The following ARHGEF12 variants were observed in gnomAD, a reference collection of about 807,000 sequenced individuals.
The protein encoded by ARHGEF12 is KMT2A/ARHGEF12 fusion protein.
In ARHGEF12, 66 loss-of-function variants were observed where a neutral mutation model predicts 211.2. That is an observed-to-expected ratio of 0.31 (90% CI 0.26 to 0.38). The LOEUF (loss-of-function observed/expected upper bound fraction) is 0.38. Ranked by LOEUF, ARHGEF12 falls within the 10% of genes least tolerant of loss-of-function variation. The pLI is 1.00. For synonymous variants in ARHGEF12, 592 were observed against 638.4 expected (o/e 0.93, Z 1.09); for missense variants, 1,429 against 1,869.5 (o/e 0.76, Z 4.34).
chr11:120,448,099 C>T (rs1230278541), intron 19 of ARHGEF12, 135 bp from the exon 20 acceptor site: 1 of 757,858 alleles, frequency 1.3e-6, no homozygotes, highest in East Asian at 2.7e-5. Context: ...TGTGCAATGA[C>T]TAGTTAGTTC....
rs773624142 is a variant in ARHGEF12 at position 120,428,132 on chromosome 11, C to T, written c.470C>T (p.Ala157Val). The change falls in exon 8 of 41, where the codon GCC (alanine) becomes GTC (valine). Residue 157 changes from alanine to valine, a missense_variant. Coordinates refer to ENST00000397843, the MANE Select transcript of ARHGEF12 (RefSeq NM_015313.3). ...CCTGGGTCGCCCCAGATTCCACTTG[C>T]CGACTCTGAAGTAGAGCCGTCAGTC... ...RPPGSPQIPL[A>V]DSEVEPSVIG... 2.1e-5 allele frequency: 34 copies of T among 1,609,120 alleles called. No individual in the cohort carries two copies. The South Asian group carries it at 3.8e-4, about 18-fold the overall frequency.
intron 30 of ARHGEF12, among the ~76,000 whole-genome samples, 154 bp from the exon 31 acceptor site, chr11:120,472,896 C>A (rs1946911661): frequency 1.3e-5 from 2 of 151,928 alleles, no homozygotes; most frequent in Non-Finnish European, 2.9e-5. Flanking sequence ...ACCTCGTGAT[C>A]CACCTGCCTC....
In ARHGEF12 at chr11:120,336,876, C is replaced by G; in HGVS notation, c.-368C>G. The G allele has an allele frequency of 2.6e-6, 1 of 391,180 alleles. No homozygotes were observed. Among genetic ancestry groups the G allele is most frequent in the Non-Finnish European group, 4.5e-6 (1 of 221,622 alleles). 24.2% of individuals were successfully genotyped at this position (391,180 alleles called of 1,614,324 possible). A position where few individuals can be genotyped will look rare whatever the true frequency, so the allele number is the denominator to read the frequency against. ...GAGACTCCGGAGGAGGAGCCGACACCCGTCCGTGAGCTGATCCCGCCCCAG... is the reference window on the plus strand; with the variant it reads ...GAGACTCCGGAGGAGGAGCCGACACGCGTCCGTGAGCTGATCCCGCCCCAG... On this transcript the variant is annotated 5_prime_UTR_variant, in exon 1 of 41. Coordinates refer to ENST00000397843, the MANE Select transcript of ARHGEF12 (RefSeq NM_015313.3).
In ARHGEF12 at chr11:120,486,347, C is replaced by G. The variant is rs901924390; in HGVS notation, c.*1270C>G. On this transcript the variant is annotated 3_prime_UTR_variant, in exon 41 of 41. Coordinates refer to ENST00000397843, the MANE Select transcript of ARHGEF12 (RefSeq NM_015313.3). The stretch of plus-strand genomic sequence containing the variant: ...TCCAGAAGCACGTCCTCTGACTTCA[C>G]TGCCGCAGCTCTTTCCACACGGGGC... 1 of 233,020 alleles carries G rather than the reference C, an allele frequency of 4.3e-6. No individual in the cohort carries two copies. The highest frequency in any genetic ancestry group is 1.8e-4 in the South Asian group (1 of 5,522). The allele number at this position is 233,020 out of a possible 1,614,324, so 14.4% of individuals were successfully genotyped here.
intron 1 of ARHGEF12, among the ~76,000 whole-genome samples, chr11:120,362,388 C>T (rs1943301591): frequency 1.3e-5 from 2 of 152,172 alleles, no homozygotes; most frequent in South Asian, 4.2e-4. Context: ...GACTTTTACC[C>T]AGTGAGTTAA....
At chr11:120,460,558 T>C (rs1449232179) in intron 26 of ARHGEF12, 114 bp from the exon 27 acceptor site, 1 of 675,174 alleles carries the variant, frequency 1.5e-6, no homozygotes, top group Non-Finnish European at 2.5e-6. Flanking sequence ...AAGAAGCAGC[T>C]GTACTACTGT....
At chr11:120,477,185 T>G in intron 34 of ARHGEF12, 34 bp from the exon 35 acceptor site, 2 of 1,600,466 alleles carry the variant, frequency 1.2e-6, no homozygotes, top group Non-Finnish European at 1.7e-6. Flanking sequence ...TTTTTTCTTT[T>G]TTGTATTTTG....
chr11:120,460,926 C>T (rs1460705836), intron 27 of ARHGEF12, among the ~76,000 whole-genome samples, 169 bp downstream of exon 27: 3 of 152,176 alleles, frequency 2.0e-5, no homozygotes, highest in African/African-American at 7.2e-5. Context: ...ACCTGTTTTG[C>T]TCATCTGTAA....
chr11:120,437,713 T>TA (rs1022494295), intron 12 of ARHGEF12, among the ~76,000 whole-genome samples: 1 of 152,160 alleles, frequency 6.6e-6, no homozygotes, highest in Non-Finnish European at 1.5e-5. Flanking sequence ...TGGTACCCGG[T>TA]AAACACTAAG....
intron 25 of ARHGEF12, chr11:120,458,518 T>G (rs540737939): frequency 1.5e-4 from 48 of 315,316 alleles, no homozygotes; most frequent in African/African-American, 1.1e-3. Context: ...ACTAAGTTAT[T>G]TTTATGCATA....
intron 1 of ARHGEF12, among the ~76,000 whole-genome samples, chr11:120,397,706 T>G (rs1944430376): frequency 1.3e-5 from 2 of 152,206 alleles, no homozygotes; most frequent in Admixed American, 1.3e-4. Flanking sequence ...TAGAGCCCCA[T>G]CTACACACTC....
intron 1 of ARHGEF12, among the ~76,000 whole-genome samples, chr11:120,370,830 C>T (rs1225132464): frequency 6.6e-6 from 1 of 151,786 alleles, no homozygotes; most frequent in East Asian, 1.9e-4. Context: ...AACCTCCTTT[C>T]ATTTTTTTTT....
At chr11:120,433,932 T>C (rs1256506508) in intron 11 of ARHGEF12, among the ~76,000 whole-genome samples, 2 of 151,978 alleles carry the variant, frequency 1.3e-5, no homozygotes, top group Admixed American at 1.3e-4. Flanking sequence ...CACTCCAGCA[T>C]GGGTGACAGA....
At chr11:120,401,241 A>G (rs1944540415) in intron 1 of ARHGEF12, among the ~76,000 whole-genome samples, 1 of 152,128 alleles carries the variant, frequency 6.6e-6, no homozygotes, top group Non-Finnish European at 1.5e-5. Flanking sequence ...GAAAAGATTT[A>G]TGACTGTTTA....
At chr11:120,354,599 TG>T (rs1591492399) in intron 1 of ARHGEF12, among the ~76,000 whole-genome samples, 1 of 152,256 alleles carries the variant, frequency 6.6e-6, no homozygotes, top group Non-Finnish European at 1.5e-5. Flanking sequence ...TTAGGTGTGT[TG>T]TTTTTTAACC....
intron 1 of ARHGEF12, among the ~76,000 whole-genome samples, chr11:120,363,501 T>G (rs1041580636): frequency 6.6e-6 from 1 of 152,252 alleles, no homozygotes; most frequent in South Asian, 2.1e-4. Context: ...AAGTTAATAC[T>G]GGTTTTCTAT....
intron 8 of ARHGEF12, among the ~76,000 whole-genome samples, chr11:120,428,874 G>A (rs1312952214): frequency 2.0e-5 from 3 of 152,090 alleles, no homozygotes; most frequent in Non-Finnish European, 2.9e-5. Flanking sequence ...AAAATAGTAG[G>A]TTGACTATAT....
chr11:120,396,270 A>G (rs1944379572), intron 1 of ARHGEF12, among the ~76,000 whole-genome samples: 1 of 152,204 alleles, frequency 6.6e-6, no homozygotes, highest in African/African-American at 2.4e-5. Flanking sequence ...GAAAACACAA[A>G]TCTTCCTTAC....
In ARHGEF12 at chr11:120,473,257, T is replaced by C. The variant is rs12418329; in HGVS notation, c.3033+130T>C. 1,282 of 786,828 alleles carry C rather than the reference T, an allele frequency of 1.6e-3. 17 individuals are homozygous for C. The Admixed American group carries it at 0.022, about 14-fold the overall frequency. 48.7% of individuals were successfully genotyped at this position (786,828 alleles called of 1,614,324 possible). A position where few individuals can be genotyped will look rare whatever the true frequency, so the allele number is the denominator to read the frequency against. On this transcript the variant is annotated intron_variant, in intron 31 of 40. Coordinates refer to ENST00000397843, the MANE Select transcript of ARHGEF12 (RefSeq NM_015313.3). The stretch of plus-strand genomic sequence containing the variant: ...TTGTATCGTAGATTATCTGTATTTA[T>C]GATTTTTTTTGCTGCCTTTTAAATG...
Sources: allele counts gnomAD v4.1 joint callset (sites outside exome capture counted in the v4.1 genomes callset), GRCh38; gene constraint gnomAD v4.1.1; transcripts MANE v1.5; gene names NCBI Gene and HGNC (gene_info 2026-07-23, HGNC 2026-07-21).